Variants in USP26 observed in about 807,000 individuals in gnomAD.
USP26 encodes ubiquitin carboxyl-terminal hydrolase 26.
For missense variants in USP26, 649 were observed against 642.3 expected (o/e 1.01, Z -0.11); for synonymous variants, 236 against 240.6 (o/e 0.98, Z 0.18).
intron 5 of USP26, among the ~76,000 whole-genome samples, chrX:133,052,340 A>T (rs1602977742): frequency 8.9e-6 from 1 of 112,363 alleles, no homozygotes; most frequent in Middle Eastern, 4.6e-3. Flanking sequence ...GGGACTTGAC[A>T]TTCAGATCAC....
intron 5 of USP26, among the ~76,000 whole-genome samples, chrX:133,082,930 A>G (rs2067575061): frequency 8.9e-6 from 1 of 112,285 alleles, no homozygotes; most frequent in Non-Finnish European, 1.9e-5. Context: ...TGATTCTACT[A>G]ACAATGACAA....
At position 133,043,751 on chromosome X, in the gene USP26, GA is replaced by G. The variant is rs989449180; in HGVS notation, c.-76-15456del. Among the ~76,000 whole-genome samples the G allele has an allele frequency of 4.5e-5, 5 of 111,043 alleles. No individual in the cohort carries two copies. The South Asian group carries it at 1.1e-3, about 25-fold the overall frequency. On this transcript the variant is annotated intron_variant, in intron 5 of 5. Transcript: ENST00000511190. ...CAAGACTCCATCTCTACGAAAAATA[GA>G]AAAAAAATAGCCAGGTGTGGTGGCA...
In USP26 at chrX:133,049,551, C is replaced by A. The variant is rs903361392; in HGVS notation, c.-76-21255G>T. On this transcript the variant is annotated intron_variant, in intron 5 of 5. Transcript: ENST00000511190. ...TATAGATGCTTATCCTAGTTATTTA[C>A]TTCCTTGCTGAGTGCTTGAAAAACA... 2.7e-5 allele frequency among the ~76,000 whole-genome samples: 3 copies of A among 112,333 alleles called. No individual in the cohort carries two copies. In the South Asian group the frequency reaches 1.1e-3, roughly 41 times the overall value.
At chrX:133,091,693 G>C (rs891982709) in intron 1 of USP26, among the ~76,000 whole-genome samples, 4 of 111,237 alleles carry the variant, frequency 3.6e-5, no homozygotes, top group Non-Finnish European at 7.5e-5. Context: ...ACTGTTGGTA[G>C]TCCCTATCTC....
At chrX:133,088,277 A>T (rs7053265) in intron 4 of USP26, among the ~76,000 whole-genome samples, 3,315 of 111,213 alleles carry the variant, frequency 0.03, 72 homozygotes, top group East Asian at 0.1. Flanking sequence ...TGGAAGACAA[A>T]TTTTCCACAG....
intron 5 of USP26, among the ~76,000 whole-genome samples, chrX:133,073,336 TAAA>T (rs748725340): frequency 0.035 from 2,631 of 74,862 alleles, 68 homozygotes; most frequent in East Asian, 0.13. Flanking sequence ...TTCATGGGAC[TAAA>T]AAAAAAAAAA....
At chrX:133,092,884 C>A (rs761950180) in intron 1 of USP26, among the ~76,000 whole-genome samples, 6 of 111,419 alleles carry the variant, frequency 5.4e-5, no homozygotes, top group African/African-American at 2.0e-4. Flanking sequence ...ATTTGGAAAA[C>A]ACCAACTTTC....
chrX:133,086,094 C>A (rs182645470), intron 4 of USP26, among the ~76,000 whole-genome samples: 1 of 111,421 alleles, frequency 9.0e-6, no homozygotes, highest in Non-Finnish European at 1.9e-5. Flanking sequence ...CCGCTTGAAA[C>A]AGAGTAAGTA....
At chrX:133,074,096 C>G (rs1350372196) in intron 5 of USP26, among the ~76,000 whole-genome samples, 2 of 111,929 alleles carry the variant, frequency 1.8e-5, no homozygotes, top group Non-Finnish European at 3.8e-5. Flanking sequence ...TTGGTCTCAG[C>G]TCAATCACAA....
chrX:133,062,148 T>C (rs7059449), intron 5 of USP26, among the ~76,000 whole-genome samples: 1 of 111,350 alleles, frequency 9.0e-6, no homozygotes, highest in East Asian at 2.8e-4. Flanking sequence ...TGGGTGGAAC[T>C]CAACACAGCA....
At chrX:133,091,317 G>A (rs2067606599) in intron 2 of USP26, 36 bp downstream of exon 2, 1 of 111,416 alleles carries the variant, frequency 9.0e-6, no homozygotes, top group Non-Finnish European at 1.9e-5. Flanking sequence ...ATATAAGGCT[G>A]GCTTTCAAAT....
chrX:133,096,778 C>G (rs917033786), intron 1 of USP26, among the ~76,000 whole-genome samples: 2 of 111,131 alleles, frequency 1.8e-5, no homozygotes, highest in African/African-American at 6.5e-5. Flanking sequence ...GCCTGTAATC[C>G]CAGTTACTCA....
At chrX:133,083,545 T>C (rs1471658447) in intron 5 of USP26, among the ~76,000 whole-genome samples, 162 bp downstream of exon 5, 1 of 111,994 alleles carries the variant, frequency 8.9e-6, no homozygotes, top group Non-Finnish European at 1.9e-5. Flanking sequence ...TGTGTACATA[T>C]TTGAATTAAA....
intron 5 of USP26, among the ~76,000 whole-genome samples, chrX:133,069,714 C>A (rs913019378): frequency 9.0e-6 from 1 of 111,396 alleles, no homozygotes; most frequent in African/African-American, 3.3e-5. Context: ...AATGTGAGGT[C>A]TAAATAAATA....
Position 133,028,042 on chromosome X carries a change from A to G in USP26, c.179T>C (p.Val60Ala). 8.3e-7 allele frequency: 1 copy of G among 1,210,493 alleles called. No individual in the cohort carries two copies. Among genetic ancestry groups the G allele is most frequent in the East Asian group, 3.0e-5 (1 of 33,831 alleles). ...TTGGTTTCCTCTATAGGATTTAAGGACTACATTTTGAATATTATCACTTAG... is the reference window on the plus strand; with the variant it reads ...TTGGTTTCCTCTATAGGATTTAAGGGCTACATTTTGAATATTATCACTTAG... ...FRLSDNIQNV[V>A]LKSYRGNQNH... The change falls in exon 6 of 6, where the codon GTC (valine) becomes GCC (alanine). Residue 60 changes from valine (V) to alanine (A), a missense_variant. Val to Ala is a moderately conservative substitution (Grantham distance 64, BLOSUM62 0). Coordinates refer to ENST00000511190, the MANE Select transcript of USP26 (RefSeq NM_031907.3).
At chrX:133,060,602 T>C in intron 5 of USP26, among the ~76,000 whole-genome samples, 1 of 111,782 alleles carries the variant, frequency 8.9e-6, no homozygotes, top group Non-Finnish European at 1.9e-5. Context: ...AAAATAAAGA[T>C]AATTAAAGAA....
At chrX:133,046,038 T>G (rs1742417732) in intron 5 of USP26, 1 of 111,535 alleles carries the variant, frequency 9.0e-6, no homozygotes, top group Non-Finnish European at 1.9e-5. Context: ...CCTGGAATGT[T>G]TTGGGGTGGT....
chrX:133,082,877 A>G (rs891852861), intron 5 of USP26, among the ~76,000 whole-genome samples: 2 of 112,234 alleles, frequency 1.8e-5, no homozygotes, highest in Non-Finnish European at 3.8e-5. Context: ...TCAATGCACT[A>G]TGAGAGAACC....
Position 133,026,628 on chromosome X carries a change from T to C in USP26, c.1593A>G (p.Ala531=). The C allele has an allele frequency of 2.5e-6, 3 of 1,207,328 alleles. No homozygotes were observed. In the South Asian group the frequency reaches 5.3e-5, roughly 21 times the overall value. The change falls in exon 6 of 6, where the codon GCA becomes GCG. Residue 531 remains alanine, a synonymous_variant. Coordinates refer to ENST00000511190, the MANE Select transcript of USP26 (RefSeq NM_031907.3). The stretch of plus-strand genomic sequence containing the variant: ...TGACTTCCTGGTCATTCTTCTTTAA[T>C]GCACAAAACTCATTCAAGCTATAGC... The part of the protein sequence containing the change: ...LKRYSLNEFC[A]LKKNDQEVII...
Sources: gnomAD v4.1 joint callset for allele counts (sites outside exome capture counted in the v4.1 genomes callset) on GRCh38, gnomAD v4.1.1 for gene constraint, MANE v1.5 for transcripts, NCBI Gene and HGNC (gene_info 2026-07-23, HGNC 2026-07-21) for gene names.